The following RARG variants were observed in gnomAD, a reference collection of about 807,000 sequenced individuals.
RARG encodes the protein retinoic acid receptor gamma, also known as RAR-gamma.
Under a neutral mutation model 43.7 loss-of-function variants are expected in RARG, and 17 were observed. The ratio of observed to expected loss-of-function variants is 0.39; its 90% CI spans 0.27 to 0.58. RARG has a LOEUF of 0.58. Among genes scored for constraint, RARG ranks in the 20% least tolerant of loss-of-function variants. The probability of loss-of-function intolerance (pLI) is 0.57; values close to 1 mark genes in which losing one functional copy is unlikely to be tolerated. For missense variants in RARG, 346 were observed against 598.7 expected, an observed-to-expected ratio of 0.58 and a Z score of 4.40; for synonymous variants, 238 against 236.4, an observed-to-expected ratio of 1.01 and a Z score of -0.06.
In RARG at chr12:53,212,731, T is replaced by TAC. The variant is rs1343217412; in HGVS notation, c.1177+353_1177+354insGT. On this transcript the variant is annotated intron_variant, in intron 9 of 9. Coordinates refer to ENST00000425354, the MANE Select transcript of RARG (RefSeq NM_000966.6). ...TTGCCCAAGACTTTGTCTCTAAATA[T>TAC]ATATATACACACACACACACACACA... is the stretch of plus-strand genomic sequence containing the variant. 4.5e-3 allele frequency among the ~76,000 whole-genome samples: 563 copies of TAC among 125,526 alleles called. 3 individuals are homozygous for TAC. Among genetic ancestry groups the TAC allele is most frequent in the South Asian group, 0.029 (104 of 3,602 alleles). 82.3% of individuals were successfully genotyped at this position (125,526 alleles called of 152,430 possible). A position where few individuals can be genotyped will look rare whatever the true frequency, so the allele number is the denominator to read the frequency against.
intron 3 of RARG, among the ~76,000 whole-genome samples, chr12:53,220,769 T>C (rs1942934381): frequency 6.6e-6 from 1 of 152,050 alleles, no homozygotes; most frequent in Non-Finnish European, 1.5e-5. Flanking sequence ...CTTTCAGAGT[T>C]TTCCCTCTCC....
chr12:53,227,329 T>C lies in RARG; in HGVS notation c.184+33A>G, dbSNP rs1419065906. On this transcript the variant is annotated intron_variant, in intron 3 of 9. Coordinates refer to ENST00000425354, the MANE Select transcript of RARG (RefSeq NM_000966.6). The surrounding 1 kb of genome is among the most constrained non-coding windows in gnomAD (Gnocchi z 4.3). ...CCTCCTGATGCCTTCTTGTTAACAT[T>C]TGCCTTCATTCCCCAAGATCCCTGA... 8 of 1,495,650 alleles carry C rather than the reference T, an allele frequency of 5.3e-6. No individual in the cohort carries two copies. In the South Asian group the frequency reaches 1.1e-4, roughly 20 times the overall value. The allele number at this position is 1,495,650 out of a possible 1,614,324, so 92.6% of individuals were successfully genotyped here. A position where few individuals can be genotyped will look rare whatever the true frequency, so the allele number is the denominator to read the frequency against.
chr12:53,217,195 AC>A (rs1310214144), intron 3 of RARG, among the ~76,000 whole-genome samples: 2 of 152,076 alleles, frequency 1.3e-5, no homozygotes, highest in Admixed American at 1.3e-4. Flanking sequence ...GAGTGAGATT[AC>A]CCAAAGAAAA....
At chr12:53,224,633 A>G (rs777250494) in intron 3 of RARG, among the ~76,000 whole-genome samples, 2 of 151,616 alleles carry the variant, frequency 1.3e-5, no homozygotes, top group African/African-American at 4.9e-5. Context: ...CGTCTCCCCT[A>G]TGTCTTCCTC....
chr12:53,220,202 G>A, intron 3 of RARG: 1 of 1,548,264 alleles, frequency 6.5e-7, no homozygotes, highest in Non-Finnish European at 8.7e-7. Flanking sequence ...AGGGGGGGAG[G>A]GGGAGGGCTA....
Position 53,219,692 on chromosome 12 carries a change from T to C in RARG, c.185-3898A>G, listed in dbSNP as rs190674471. Among the ~76,000 whole-genome samples, 91 of 152,250 alleles carry C rather than the reference T, an allele frequency of 6.0e-4. 3 individuals carry two copies. The East Asian group carries it at 0.012, about 20-fold the overall frequency. ...CAAACTACCCACACACCTCGGTCTC[T>C]CCCTATCCCCAGGAACTCTGGAGTG... is the stretch of plus-strand genomic sequence containing the variant. On this transcript the variant is annotated intron_variant, in intron 3 of 9. Transcript: ENST00000425354.
At chr12:53,225,705 C>G (rs1943090885) in intron 3 of RARG, among the ~76,000 whole-genome samples, 1 of 152,252 alleles carries the variant, frequency 6.6e-6, no homozygotes, top group Admixed American at 6.5e-5. Context: ...TTCTCTTAAC[C>G]AGCTTGGAAC....
In RARG at chr12:53,227,188, C is replaced by T. The variant is rs139053947; in HGVS notation, c.184+174G>A. 6.6e-6 allele frequency among the ~76,000 whole-genome samples: 1 copy of T among 152,330 alleles called. No homozygotes were observed. The highest frequency in any genetic ancestry group is 1.5e-5 in the Non-Finnish European group (1 of 68,020). On this transcript the variant is annotated intron_variant, in intron 3 of 9. Transcript: ENST00000425354. This position sits in a 1 kb window ranked among gnomAD's most constrained non-coding sequence, Gnocchi z 4.3. ...CAAACACTTCCATTGAGTCCACATC[C>T]AAACTCCTTCCTCACCACCACTACC...
In RARG at chr12:53,213,135, A is replaced by T; in HGVS notation, c.1127T>A (p.Phe376Tyr). ...RRRRPSQPYM[F>Y]PRMLMKITDL... ...GGTGATTTTCATTAGCATCCTTGGGAACATGTAGGGCTGGCTGGGCCGCCG... is the reference window on the plus strand; with the variant it reads ...GGTGATTTTCATTAGCATCCTTGGGTACATGTAGGGCTGGCTGGGCCGCCG... Residue 376 changes from phenylalanine to tyrosine, a missense_variant, in exon 9 of 10, where the codon TTC becomes TAC. This residue lies in a region of RARG where 25 missense variants were observed against 23.0 expected (regional missense o/e 1.09). Coordinates refer to ENST00000425354, the MANE Select transcript of RARG (RefSeq NM_000966.6). The surrounding 1 kb of genome is among the most constrained non-coding windows in gnomAD (Gnocchi z 4.7). 6.2e-7 allele frequency: 1 copy of T among 1,614,156 alleles called. No individual in the cohort carries two copies.
At position 53,227,416 on chromosome 12, in the gene RARG, G is replaced by A. The variant is rs1188181638; in HGVS notation, c.130C>T (p.Pro44Ser). 18 of 1,606,234 alleles carry A rather than the reference G, an allele frequency of 1.1e-5. No individual in the cohort carries two copies. The highest frequency in any genetic ancestry group is 1.5e-5 in the Non-Finnish European group (18 of 1,176,482). The change falls in exon 3 of 10, where the codon CCT (proline) becomes TCT (serine). Residue 44 changes from proline to serine, a missense_variant. Physicochemically the swap from Pro to Ser is moderately conservative, Grantham distance 74. Coordinates refer to ENST00000425354, the MANE Select transcript of RARG (RefSeq NM_000966.6). This position sits in a 1 kb window ranked among gnomAD's most constrained non-coding sequence, Gnocchi z 4.3. Reference protein sequence around the residue: ...RGSPPFEMLSPSFRGLGQPDL... With the variant: ...RGSPPFEMLSSSFRGLGQPDL... ...GGCTGGCCCAGGCCCCGGAAGCTAG[G>A]GCTCAGCATCTCGAAAGGCGGAGAC...
intron 3 of RARG, chr12:53,220,111 C>T (rs1942910445): frequency 3.2e-6 from 5 of 1,550,104 alleles, no homozygotes; most frequent in Non-Finnish European, 4.4e-6. Context: ...CGCGACCCGG[C>T]TTGAAGGGAA....
At chr12:53,214,402 A>G (rs1248011439) in intron 6 of RARG, 44 bp downstream of exon 6, 2 of 1,594,170 alleles carry the variant, frequency 1.3e-6, no homozygotes, top group Non-Finnish European at 1.7e-6. Context: ...CATTCCCCAA[A>G]GTGAAGAGTG....
Position 53,213,952 on chromosome 12 carries a change from T to C in RARG, c.813+107A>G. 7.6e-7 allele frequency: 1 copy of C among 1,320,676 alleles called. No individual in the cohort carries two copies. The highest frequency in any genetic ancestry group is 1.1e-6 in the Non-Finnish European group (1 of 950,682). 81.8% of individuals were successfully genotyped at this position (1,320,676 alleles called of 1,614,324 possible). On this transcript the variant is annotated intron_variant, in intron 7 of 9. Coordinates refer to ENST00000425354, the MANE Select transcript of RARG (RefSeq NM_000966.6). The surrounding 1 kb of genome is among the most constrained non-coding windows in gnomAD (Gnocchi z 4.7). ...GAAAAGAGAGCTGAGGAGTCCCACATGTGTGGCAGGGGGTGCAGGGTAAGG... is the reference window on the plus strand; with the variant it reads ...GAAAAGAGAGCTGAGGAGTCCCACACGTGTGGCAGGGGGTGCAGGGTAAGG...
chr12:53,215,887 C>G lies in RARG; in HGVS notation c.185-93G>C. ...ACACACACCCCATGTGCATTTGTTC[C>G]TTGGCCCACTGGTGACAGCCATCAC... is the stretch of plus-strand genomic sequence containing the variant. On this transcript the variant is annotated intron_variant, in intron 3 of 9. Transcript: ENST00000425354. The surrounding 1 kb of genome is among the most constrained non-coding windows in gnomAD (Gnocchi z 6.4). 1 of 1,353,628 alleles carries G rather than the reference C, an allele frequency of 7.4e-7. No homozygotes were observed. Among genetic ancestry groups the G allele is most frequent in the African/African-American group, 1.5e-5 (1 of 68,482 alleles). 83.9% of individuals were successfully genotyped at this position (1,353,628 alleles called of 1,614,324 possible). A position where few individuals can be genotyped will look rare whatever the true frequency, so the allele number is the denominator to read the frequency against.
chr12:53,213,084 C>T lies in RARG; in HGVS notation c.1177+1G>A. 6.2e-7 allele frequency: 1 copy of T among 1,611,702 alleles called. No homozygotes were observed. The highest frequency in any genetic ancestry group is 8.5e-7 in the Non-Finnish European group (1 of 1,178,620). On this transcript the variant is annotated splice_donor_variant, in intron 9 of 9. Transcript: ENST00000425354. LOFTEE classifies it high-confidence loss of function. The surrounding 1 kb of genome is among the most constrained non-coding windows in gnomAD (Gnocchi z 4.7). Reference sequence around the variant, plus strand: ...AGAGGGGACACCCACTCATGACTCACCCTTAGTGCTGATGCCCCGGAGGTC... The same window carrying T: ...AGAGGGGACACCCACTCATGACTCATCCTTAGTGCTGATGCCCCGGAGGTC...
intron 2 of RARG, among the ~76,000 whole-genome samples, chr12:53,230,654 T>C (rs1943211029): frequency 6.6e-6 from 1 of 151,900 alleles, no homozygotes; most frequent in Non-Finnish European, 1.5e-5. Context: ...GGAGGGGCAG[T>C]GCCCAGGAGG....
At position 53,213,129 on chromosome 12, in the gene RARG, C is replaced by T; in HGVS notation, c.1133G>A (p.Arg378Lys). 1.9e-6 allele frequency: 3 copies of T among 1,614,166 alleles called. No individual in the cohort carries two copies. The highest frequency in any genetic ancestry group is 2.5e-6 in the Non-Finnish European group (3 of 1,180,040). Residue 378 changes from arginine to lysine, a missense_variant, in exon 9 of 10, where the codon AGG (arginine) becomes AAG (lysine). Coordinates refer to ENST00000425354, the MANE Select transcript of RARG (RefSeq NM_000966.6). This position sits in a 1 kb window ranked among gnomAD's most constrained non-coding sequence, Gnocchi z 4.7. Reference protein sequence around the residue: ...RRPSQPYMFPRMLMKITDLRG... With the variant: ...RRPSQPYMFPKMLMKITDLRG... The stretch of plus-strand genomic sequence containing the variant: ...GAGGTCGGTGATTTTCATTAGCATC[C>T]TTGGGAACATGTAGGGCTGGCTGGG...
At position 53,213,997 on chromosome 12, in the gene RARG, G is replaced by T; in HGVS notation, c.813+62C>A. 5 of 1,525,722 alleles carry T rather than the reference G, an allele frequency of 3.3e-6. No individual in the cohort carries two copies. The South Asian group carries it at 6.0e-5, about 18-fold the overall frequency. 94.5% of individuals were successfully genotyped at this position (1,525,722 alleles called of 1,614,324 possible). On this transcript the variant is annotated intron_variant, in intron 7 of 9. Coordinates refer to ENST00000425354, the MANE Select transcript of RARG (RefSeq NM_000966.6). This position sits in a 1 kb window ranked among gnomAD's most constrained non-coding sequence, Gnocchi z 4.7. Reference sequence around the variant, plus strand: ...GTAAGGAAATCTTTGCATGGATCAAGGAATTGTTGAGGGTCCCATATGTGG... The same window carrying T: ...GTAAGGAAATCTTTGCATGGATCAATGAATTGTTGAGGGTCCCATATGTGG...
At position 53,213,593 on chromosome 12, in the gene RARG, G is replaced by A. The variant is rs1942672333; in HGVS notation, c.921C>T (p.Leu307=). The A allele has an allele frequency of 1.2e-6, 2 of 1,614,064 alleles. No individual in the cohort carries two copies. The highest frequency in any genetic ancestry group is 2.7e-5 in the African/African-American group (2 of 74,922). The part of the protein sequence containing the change: ...TQMHNAGFGP[L]TDLVFAFAGQ... ...CAGCAAAGGCAAAGACAAGGTCTGT[G>A]AGGGGCCCGAAGCCGGCATTGTGCA... Residue 307 remains leucine, a synonymous_variant, in exon 8 of 10, where the codon CTC becomes CTT. Coordinates refer to ENST00000425354, the MANE Select transcript of RARG (RefSeq NM_000966.6). The surrounding 1 kb of genome is among the most constrained non-coding windows in gnomAD (Gnocchi z 4.7).
Sources: gnomAD v4.1 joint callset for allele counts (sites outside exome capture counted in the v4.1 genomes callset) on GRCh38, gnomAD v4.1.1 for gene constraint, gnomAD v4.1.1 regional missense constraint, Gnocchi (gnomAD v3.1) non-coding constraint, MANE v1.5 for transcripts, NCBI Gene and HGNC (gene_info 2026-07-23, HGNC 2026-07-21) for gene names.